The following CD5 variants were observed in gnomAD, a reference collection of about 807,000 sequenced individuals.
The protein encoded by CD5 is T-cell surface glycoprotein CD5.
In CD5, 36 loss-of-function variants were observed where a neutral mutation model predicts 60.3. That is an observed-to-expected ratio of 0.60 (90% CI 0.46 to 0.79). The LOEUF (loss-of-function observed/expected upper bound fraction) is 0.79. Ranked by LOEUF, CD5 falls within the 30% of genes least tolerant of loss-of-function variation. The probability of loss-of-function intolerance (pLI) is 0.00; values close to 1 mark genes in which losing one functional copy is unlikely to be tolerated. For missense variants in CD5, 540 were observed against 630.6 expected, an observed-to-expected ratio of 0.86 and a Z score of 1.54; for synonymous variants, 230 against 257.6, an observed-to-expected ratio of 0.89 and a Z score of 1.03.
rs1565186068 is a variant in CD5, at chr11:61,119,380, C to T, written c.610C>T (p.Leu204Phe). 1.2e-6 allele frequency: 2 copies of T among 1,614,108 alleles called. No individual in the cohort carries two copies. The highest frequency in any genetic ancestry group is 2.7e-5 in the African/African-American group (2 of 74,946). Residue 204 changes from leucine to phenylalanine, a missense_variant, in exon 5 of 11, where the codon CTC (leucine) becomes TTC (phenylalanine). Transcript: ENST00000347785. The stretch of plus-strand genomic sequence containing the variant: ...CCTGGAGAACTTCCTCTGCAACAAC[C>T]TCCAGTGTGGCTCCTTCTTGAAGCA... The part of the protein sequence containing the change: ...QDLENFLCNN[L>F]QCGSFLKHLP...
At chr11:61,101,095 TCA>T (rs1342309708), upstream of CD5, among the ~76,000 whole-genome samples, 9 of 86,046 alleles carry the variant, frequency 1.0e-4, 2 homozygotes, top group Non-Finnish European at 1.5e-4. Flanking sequence ...AACATGGAGA[TCA>T]CACACACACA....
Position 61,118,542 on chromosome 11 carries a change from C to T in CD5, c.400+62C>T, listed in dbSNP as rs1590772673. On this transcript the variant is annotated intron_variant, in intron 3 of 10. Transcript: ENST00000347785. This position sits in a 1 kb window ranked among gnomAD's most constrained non-coding sequence, Gnocchi z 4.7. ...TGGGCGCCAGCCCCGAGGAGACTGC[C>T]CGAGGCCTGTGATCTAGGGTCTGAG... 5.2e-6 allele frequency: 8 copies of T among 1,527,632 alleles called. No homozygotes were observed. The highest frequency in any genetic ancestry group is 2.3e-5 in the East Asian group (1 of 44,384). 94.6% of individuals were successfully genotyped at this position (1,527,632 alleles called of 1,614,324 possible). A position where few individuals can be genotyped will look rare whatever the true frequency, so the allele number is the denominator to read the frequency against.
At chr11:61,123,386 T>TA (rs1218296298) in intron 7 of CD5, among the ~76,000 whole-genome samples, 1 of 151,926 alleles carries the variant, frequency 6.6e-6, no homozygotes, top group Non-Finnish European at 1.5e-5. Flanking sequence ...CCCCACCACT[T>TA]ACCACTGCCC....
intron 8 of CD5, among the ~76,000 whole-genome samples, chr11:61,124,649 A>C (rs925289251): frequency 2.0e-5 from 3 of 151,988 alleles, no homozygotes; most frequent in Non-Finnish European, 4.4e-5. Context: ...GCTCTGTTGA[A>C]TTTGTTATTA....
At chr11:61,117,786 A>C (rs1184233129) in intron 2 of CD5, among the ~76,000 whole-genome samples, 1 of 152,202 alleles carries the variant, frequency 6.6e-6, no homozygotes, top group Non-Finnish European at 1.5e-5. Context: ...GGCATGAGCC[A>C]CCACACCTGG....
the CD5 span, among the ~76,000 whole-genome samples, chr11:61,096,069 G>A: frequency 2.0e-5 from 3 of 152,234 alleles, no homozygotes; most frequent in East Asian, 1.9e-4. Flanking sequence ...TAAGGAAGGC[G>A]AACGCCAGGC....
chr11:61,096,908 C>T, the CD5 span, among the ~76,000 whole-genome samples: 3 of 152,178 alleles, frequency 2.0e-5, no homozygotes, highest in Non-Finnish European at 4.4e-5. Flanking sequence ...GAGAAGCTCT[C>T]GAAGGAATCC....
At chr11:61,106,463 C>T (rs184485659) in intron 1 of CD5, among the ~76,000 whole-genome samples, 5 of 152,250 alleles carry the variant, frequency 3.3e-5, no homozygotes, top group East Asian at 1.9e-4. Context: ...CCAGGCTGGG[C>T]GAGGCCCTGG....
At chr11:61,115,016 G>A in intron 1 of CD5, 40 bp from the exon 2 acceptor site, 1 of 1,545,984 alleles carries the variant, frequency 6.5e-7, no homozygotes, top group Non-Finnish European at 8.8e-7. Flanking sequence ...GGAGAGAGTG[G>A]GAGGTTTCAC....
intron 1 of CD5, among the ~76,000 whole-genome samples, chr11:61,104,764 C>A (rs1011614847): frequency 2.0e-5 from 3 of 152,242 alleles, no homozygotes; most frequent in Admixed American, 6.5e-5. Context: ...AGTAGGTGGG[C>A]CCATTGGCCC....
chr11:61,123,870 T>G lies in CD5; in HGVS notation c.1226-14T>G. On this transcript the variant is annotated splice_polypyrimidine_tract_variant and intron_variant, in intron 7 of 10. Coordinates refer to ENST00000347785, the MANE Select transcript of CD5 (RefSeq NM_014207.4). ...CCCCACCACTCTGATGTGCCTTTCT[T>G]GTCTCTTGCCCAGTCCGCCAGAAGA... The G allele has an allele frequency of 6.2e-7, 1 of 1,602,118 alleles. No individual in the cohort carries two copies. The highest frequency in any genetic ancestry group is 8.5e-7 in the Non-Finnish European group (1 of 1,173,558).
intron 1 of CD5, among the ~76,000 whole-genome samples, chr11:61,104,146 G>C (rs1453070027): frequency 6.6e-6 from 1 of 152,088 alleles, no homozygotes; most frequent in East Asian, 1.9e-4. Context: ...GAGTCTGTGT[G>C]TGAGTCTGTG....
At chr11:61,117,509 G>C (rs34765709) in intron 2 of CD5, among the ~76,000 whole-genome samples, 1 of 150,932 alleles carries the variant, frequency 6.6e-6, no homozygotes, top group African/African-American at 2.4e-5. Context: ...TTTTTTTTGA[G>C]ATGGAATCTT....
upstream of CD5, among the ~76,000 whole-genome samples, chr11:61,098,979 G>C (rs1312508200): frequency 6.6e-6 from 1 of 152,166 alleles, no homozygotes; most frequent in Non-Finnish European, 1.5e-5. Flanking sequence ...GTGGCCCAGA[G>C]TACAGGAAGC....
upstream of CD5, among the ~76,000 whole-genome samples, chr11:61,098,091 G>A (rs568842002): frequency 1.2e-4 from 18 of 152,296 alleles, no homozygotes; most frequent in African/African-American, 2.4e-4. Flanking sequence ...ACATGTGCCC[G>A]TGCAAGTGTG....
the CD5 span, among the ~76,000 whole-genome samples, chr11:61,097,326 G>C: frequency 2.0e-5 from 3 of 152,074 alleles, no homozygotes; most frequent in African/African-American, 7.2e-5. Context: ...GGTCCCAAAA[G>C]CCTCAATTAT....
rs76796230 is a variant in CD5, at chr11:61,121,398, G to C, written c.806-213G>C. Among the ~76,000 whole-genome samples, 661 of 152,364 alleles carry C rather than the reference G, an allele frequency of 4.3e-3. 3 individuals are homozygous for C. The highest frequency in any genetic ancestry group is 0.015 in the African/African-American group (631 of 41,584). On this transcript the variant is annotated intron_variant, in intron 5 of 10. Coordinates refer to ENST00000347785, the MANE Select transcript of CD5 (RefSeq NM_014207.4). ...TCAGGATGGTGCTGGCAGCTGCCCA[G>C]AGGCACCAGAGACAGTGCTGGGTCA...
chr11:61,103,797 G>T (rs2134591411), intron 1 of CD5, among the ~76,000 whole-genome samples: 1 of 137,068 alleles, frequency 7.3e-6, no homozygotes, highest in South Asian at 2.5e-4. Context: ...GGGGGAATGT[G>T]TGAGTCTGTG....
chr11:61,098,807 T>A (rs947972012), upstream of CD5, among the ~76,000 whole-genome samples: 4 of 152,188 alleles, frequency 2.6e-5, no homozygotes, highest in Non-Finnish European at 4.4e-5. Context: ...TAACTTGGTG[T>A]CTGAGGGGTT....
Sources: allele counts gnomAD v4.1 joint callset (sites outside exome capture counted in the v4.1 genomes callset), GRCh38; gene constraint gnomAD v4.1.1; non-coding constraint Gnocchi (gnomAD v3.1); transcripts MANE v1.5; gene names NCBI Gene and HGNC (gene_info 2026-07-23, HGNC 2026-07-21).